The following COL24A1 variants were observed in gnomAD, a reference collection of about 807,000 sequenced individuals.
COL24A1 encodes collagen alpha-1(XXIV) chain.
In COL24A1, 224 loss-of-function variants were observed where a neutral mutation model predicts 253.9. That is an observed-to-expected ratio of 0.88 (90% CI 0.79 to 0.99). The LOEUF is 0.99. Ranked by LOEUF, COL24A1 falls within the 50% of genes least tolerant of loss-of-function variation. The pLI, the probability that COL24A1 is intolerant of heterozygous loss-of-function variation, is 0.00. For synonymous variants in COL24A1, 685 were observed against 673.7 expected (o/e 1.02, Z -0.26); for missense variants, 2,131 against 2,068.5 (o/e 1.03, Z -0.59).
intron 37 of COL24A1, among the ~76,000 whole-genome samples, chr1:85,864,276 C>T (rs1179406060): frequency 6.6e-6 from 1 of 151,958 alleles, no homozygotes; most frequent in African/African-American, 2.4e-5. Context: ...TGGAAGCTAT[C>T]ATTCTCAGCA....
intron 43 of COL24A1, among the ~76,000 whole-genome samples, chr1:85,837,375 G>GA (rs1376743590): frequency 1.3e-5 from 2 of 152,142 alleles, no homozygotes; most frequent in Non-Finnish European, 2.9e-5. Context: ...TCTGGCTTGA[G>GA]AAAAATCAAC....
chr1:86,005,806 G>C (rs1695899079), intron 19 of COL24A1, among the ~76,000 whole-genome samples: 1 of 152,068 alleles, frequency 6.6e-6, no homozygotes, highest in Non-Finnish European at 1.5e-5. Flanking sequence ...GATTGGCTAT[G>C]CAGAAAAGCA....
chr1:85,889,492 G>T, intron 32 of COL24A1, 68 bp downstream of exon 32: 1 of 1,317,866 alleles, frequency 7.6e-7, no homozygotes, highest in Non-Finnish European at 1.1e-6. Context: ...GCACAGCAGA[G>T]CAATAATGGA....
intron 32 of COL24A1, among the ~76,000 whole-genome samples, chr1:85,880,734 T>TTA (rs1553211892): frequency 5.3e-5 from 8 of 151,908 alleles, no homozygotes; most frequent in African/African-American, 1.5e-4. Flanking sequence ...GTTTTTTTTT[T>TTA]ATCTTGAATT....
At chr1:85,908,954 C>A (rs774000860) in intron 26 of COL24A1, among the ~76,000 whole-genome samples, 4 of 151,636 alleles carry the variant, frequency 2.6e-5, no homozygotes, top group Non-Finnish European at 4.4e-5. Context: ...AGAGAACATT[C>A]ATTTCATTTT....
chr1:86,084,790 G>A (rs940578512), intron 7 of COL24A1, among the ~76,000 whole-genome samples: 6 of 152,310 alleles, frequency 3.9e-5, no homozygotes, highest in Admixed American at 1.3e-4. Context: ...GGCAACCACT[G>A]GCTTGCCTGT....
At chr1:85,894,741 A>C (rs1377297469) in intron 31 of COL24A1, among the ~76,000 whole-genome samples, 1 of 152,210 alleles carries the variant, frequency 6.6e-6, no homozygotes, top group Non-Finnish European at 1.5e-5. Flanking sequence ...TCAATAATAC[A>C]ATGCCACACA....
At chr1:85,834,882 C>G (rs550209560) in intron 43 of COL24A1, among the ~76,000 whole-genome samples, 179 of 152,288 alleles carry the variant, frequency 1.2e-3, no homozygotes, top group African/African-American at 3.9e-3. Context: ...AGCAGGATGA[C>G]AGCTATAATT....
intron 5 of COL24A1, among the ~76,000 whole-genome samples, chr1:86,099,124 G>A (rs1571913595): frequency 6.6e-6 from 1 of 152,036 alleles, no homozygotes; most frequent in East Asian, 1.9e-4. Flanking sequence ...TGATCAAAAT[G>A]GAACTAAATT....
Position 85,784,265 on chromosome 1 carries a change from C to T in COL24A1, c.4161G>A (p.Gly1387=). ...TTTCTGAGGTGGTACATACAGGCTG[C>T]CCTTTCAGGCCAGGGTCTCCACATG... ...QGPCGDPGLK[G]QPGEYGVQGL... Residue 1387 remains glycine (G), a synonymous_variant, in exon 49 of 60, where the codon GGG becomes GGA. Coordinates refer to ENST00000370571, the MANE Select transcript of COL24A1 (RefSeq NM_152890.7). The T allele has an allele frequency of 1.9e-6, 3 of 1,613,876 alleles. No homozygotes were observed. The highest frequency in any genetic ancestry group is 2.5e-6 in the Non-Finnish European group (3 of 1,179,828).
chr1:86,034,494 T>C (rs1698847702), intron 12 of COL24A1, among the ~76,000 whole-genome samples: 1 of 152,072 alleles, frequency 6.6e-6, no homozygotes, highest in African/African-American at 2.4e-5. Flanking sequence ...TAAAAATGGG[T>C]GGGACTGAGA....
intron 43 of COL24A1, among the ~76,000 whole-genome samples, chr1:85,825,506 C>A (rs1472074939): frequency 2.0e-5 from 3 of 152,088 alleles, no homozygotes; most frequent in Non-Finnish European, 4.4e-5. Flanking sequence ...CACACTGACT[C>A]CCACAATGGT....
chr1:85,825,436 C>A (rs1263351681), intron 43 of COL24A1, among the ~76,000 whole-genome samples: 1 of 152,132 alleles, frequency 6.6e-6, no homozygotes, highest in Non-Finnish European at 1.5e-5. Flanking sequence ...TGGTTATATA[C>A]CCAGTAATGG....
intron 20 of COL24A1, 138 bp downstream of exon 20, chr1:85,987,463 G>T (rs1693818456): frequency 1.3e-6 from 1 of 762,504 alleles, no homozygotes; most frequent in Non-Finnish European, 2.1e-6. Flanking sequence ...GAAACCTAAA[G>T]TTTATTAAAT....
chr1:86,006,233 G>A (rs1211148198), intron 19 of COL24A1, among the ~76,000 whole-genome samples: 1 of 152,122 alleles, frequency 6.6e-6, no homozygotes, highest in Non-Finnish European at 1.5e-5. Flanking sequence ...AGAGTTGGAG[G>A]ACTGATACTA....
Position 86,125,558 on chromosome 1 carries a change from T to C in COL24A1, c.778A>G (p.Ile260Val). The C allele has an allele frequency of 6.2e-7, 1 of 1,613,456 alleles. No homozygotes were observed. The highest frequency in any genetic ancestry group is 8.5e-7 in the Non-Finnish European group (1 of 1,179,638). ...GAGTGTTCCGGTATCTTTGTTGGTA[T>C]GAGAGTTGTACAAGGAATGCTTGTT... ...PETSIPCTTL[I>V]PTKIPEHSPP... Residue 260 changes from isoleucine to valine, a missense_variant, in exon 3 of 60, where the codon ATA (isoleucine) becomes GTA (valine). Physicochemically the swap from Ile to Val is conservative, Grantham distance 29. Transcript: ENST00000370571.
At position 85,734,921 on chromosome 1, in the gene COL24A1, A is replaced by G; in HGVS notation, c.4826T>C (p.Leu1609Ser). Residue 1609 changes from leucine to serine, a missense_variant, in exon 59 of 60, where the codon TTA becomes TCA. Leu to Ser is a moderately radical substitution (Grantham distance 145). Transcript: ENST00000370571. The part of the protein sequence containing the change: ...VGKVQMNFLH[L>S]LSSEATHIIT... ...GATATGGGTGGCTTCCGAACTCAGT[A>G]AATGAAGGAAGTTCATCTGGACTTT... 2 of 1,614,228 alleles carry G rather than the reference A, an allele frequency of 1.2e-6. No individual in the cohort carries two copies. Among genetic ancestry groups the G allele is most frequent in the Non-Finnish European group, 1.7e-6 (2 of 1,180,034 alleles).
At chr1:85,907,992 GC>G (rs1489900981) in intron 27 of COL24A1, among the ~76,000 whole-genome samples, 4 of 151,592 alleles carry the variant, frequency 2.6e-5, no homozygotes, top group Non-Finnish European at 4.4e-5. Context: ...AGAAAATTGG[GC>G]TTATTTTTAA....
At chr1:85,820,133 C>T (rs145365174) in intron 45 of COL24A1, among the ~76,000 whole-genome samples, 4 of 152,258 alleles carry the variant, frequency 2.6e-5, no homozygotes, top group African/African-American at 9.6e-5. Flanking sequence ...CAGGCATGAG[C>T]CACCATGCCT....
Sources: gnomAD v4.1 joint callset for allele counts (sites outside exome capture counted in the v4.1 genomes callset) on GRCh38, gnomAD v4.1.1 for gene constraint, MANE v1.5 for transcripts, NCBI Gene and HGNC (gene_info 2026-07-23, HGNC 2026-07-21) for gene names.